KCNH8: variants seen among roughly 807,000 people sequenced by gnomAD.
KCNH8 encodes potassium voltage-gated channel subfamily H member 8, also known as voltage-gated delayed rectifier potassium channel KCNH8.
KCNH8 carries 70 observed loss-of-function variants against 103.6 expected under a neutral mutation model. The observed-to-expected ratio is 0.68, with a 90% CI of 0.56 to 0.82. The LOEUF is 0.82. KCNH8 is among the 40% of genes least tolerant of loss of function. The pLI, the probability that KCNH8 is intolerant of heterozygous loss-of-function variation, is 0.00. For missense variants in KCNH8, 1,217 were observed against 1,329.9 expected, an observed-to-expected ratio of 0.92 and a Z score of 1.32; for synonymous variants, 498 against 489.4, an observed-to-expected ratio of 1.02 and a Z score of -0.23.
chr3:19,386,041 A>G (rs2066351643), intron 5 of KCNH8, among the ~76,000 whole-genome samples: 1 of 152,132 alleles, frequency 6.6e-6, no homozygotes, highest in Non-Finnish European at 1.5e-5. Flanking sequence ...GAAATCTACT[A>G]ATTTTTGCCA....
intron 3 of KCNH8, among the ~76,000 whole-genome samples, chr3:19,299,764 G>A (rs1236934219): frequency 6.6e-6 from 1 of 151,882 alleles, no homozygotes. Context: ...AATATTGCTG[G>A]TGGTGTACCA....
At chr3:19,504,834 C>G (rs540383505) in intron 11 of KCNH8, among the ~76,000 whole-genome samples, 2 of 151,870 alleles carry the variant, frequency 1.3e-5, no homozygotes, top group African/African-American at 4.8e-5. Flanking sequence ...GGTATATACC[C>G]AAATGAATAT....
intron 3 of KCNH8, among the ~76,000 whole-genome samples, chr3:19,284,345 G>A (rs553395065): frequency 6.6e-6 from 1 of 152,084 alleles, no homozygotes; most frequent in Admixed American, 6.6e-5. Context: ...TCTATGTTTT[G>A]GGGGAGTTTA....
intron 11 of KCNH8, among the ~76,000 whole-genome samples, chr3:19,479,223 T>C (rs1444503928): frequency 6.6e-6 from 1 of 152,154 alleles, no homozygotes; most frequent in Non-Finnish European, 1.5e-5. Flanking sequence ...TCTCCGGCTC[T>C]CGTCCAGAAA....
At chr3:19,334,860 A>G (rs1478110062) in intron 3 of KCNH8, among the ~76,000 whole-genome samples, 3 of 151,980 alleles carry the variant, frequency 2.0e-5, no homozygotes, top group South Asian at 2.1e-4. Flanking sequence ...ATTATTTTTC[A>G]TATTCAAGGA....
At chr3:19,280,947 T>C (rs1295368458) in intron 2 of KCNH8, among the ~76,000 whole-genome samples, 1 of 152,068 alleles carries the variant, frequency 6.6e-6, no homozygotes, top group Non-Finnish European at 1.5e-5. Context: ...TAAGCAGAAA[T>C]GTCTCAGCAC....
At chr3:19,446,308 C>T (rs556698080) in intron 8 of KCNH8, among the ~76,000 whole-genome samples, 2 of 151,870 alleles carry the variant, frequency 1.3e-5, no homozygotes, top group Non-Finnish European at 1.5e-5. Context: ...TAGTAAAGAT[C>T]GTTCATCACT....
At chr3:19,256,715 A>C (rs986449992) in intron 2 of KCNH8, among the ~76,000 whole-genome samples, 1 of 152,066 alleles carries the variant, frequency 6.6e-6, no homozygotes, top group African/African-American at 2.4e-5. Flanking sequence ...TATGGCGTAC[A>C]GGTTGGGAGC....
At chr3:19,198,713 A>G (rs988535929) in intron 1 of KCNH8, among the ~76,000 whole-genome samples, 3 of 152,072 alleles carry the variant, frequency 2.0e-5, no homozygotes, top group Non-Finnish European at 4.4e-5. Context: ...AACCAGTGCC[A>G]ATACCCACTC....
Position 19,312,020 on chromosome 3 carries a change from ACT to A in KCNH8, c.443-30564_443-30563del, listed in dbSNP as rs111981322. On this transcript the variant is annotated intron_variant, in intron 3 of 15. Coordinates refer to ENST00000328405, the MANE Select transcript of KCNH8 (RefSeq NM_144633.3). ...TAGACATACGGATTGCCTTTCTCAAACTCTTTCTTCCGCAGTGTTTTGCACTT... is the reference window on the plus strand; with the variant it reads ...TAGACATACGGATTGCCTTTCTCAAACTTTCTTCCGCAGTGTTTTGCACTT... Among the ~76,000 whole-genome samples the A allele has an allele frequency of 3.3e-5, 5 of 151,926 alleles. 1 individual carries two copies. The highest frequency in any genetic ancestry group is 9.6e-5 in the African/African-American group (4 of 41,498).
chr3:19,522,804 C>CTGAT (rs1391893525), intron 15 of KCNH8, among the ~76,000 whole-genome samples: 2 of 151,774 alleles, frequency 1.3e-5, no homozygotes, highest in Non-Finnish European at 2.9e-5. Context: ...TTCTTAGGCT[C>CTGAT]TGATTGGATC....
intron 3 of KCNH8, among the ~76,000 whole-genome samples, chr3:19,321,709 A>G (rs1025299399): frequency 6.6e-6 from 1 of 151,988 alleles, no homozygotes; most frequent in Admixed American, 6.6e-5. Flanking sequence ...GTTCTAGAGT[A>G]TAGTTTAAGT....
intron 11 of KCNH8, among the ~76,000 whole-genome samples, chr3:19,466,649 ATTTTTTTTTTTTTTTTTTT>A (rs869048680): frequency 5.7e-4 from 29 of 50,646 alleles, no homozygotes; most frequent in Admixed American, 3.1e-3. Context: ...GTAGCAATAC[ATTTTTTTTTTTTTTTTTTT>A]TTTTTTTTTT....
intron 1 of KCNH8, among the ~76,000 whole-genome samples, chr3:19,175,632 G>A (rs2063392403): frequency 6.6e-6 from 1 of 152,100 alleles, no homozygotes; most frequent in African/African-American, 2.4e-5. Flanking sequence ...ACTGTTTTAT[G>A]ATTATTTTTC....
At chr3:19,266,221 A>G (rs1237353038) in intron 2 of KCNH8, among the ~76,000 whole-genome samples, 1 of 151,634 alleles carries the variant, frequency 6.6e-6, no homozygotes, top group Admixed American at 6.6e-5. Flanking sequence ...ATCTCTTTAA[A>G]CTCATCCTTC....
intron 5 of KCNH8, among the ~76,000 whole-genome samples, chr3:19,351,466 T>A (rs2065801137): frequency 6.6e-6 from 1 of 151,702 alleles, no homozygotes; most frequent in South Asian, 2.1e-4. Context: ...AAGGAAAAAA[T>A]GTTAAAGGCA....
At chr3:19,310,805 CTA>C (rs1325855886) in intron 3 of KCNH8, among the ~76,000 whole-genome samples, 3 of 151,674 alleles carry the variant, frequency 2.0e-5, no homozygotes, top group African/African-American at 4.8e-5. Flanking sequence ...GAGATTATAA[CTA>C]TTCATAATAA....
At chr3:19,247,214 G>C (rs1461105562) in intron 1 of KCNH8, among the ~76,000 whole-genome samples, 1 of 152,150 alleles carries the variant, frequency 6.6e-6, no homozygotes, top group Admixed American at 6.5e-5. Context: ...GGTTAGAAAA[G>C]TTACCAAATA....
chr3:19,484,476 C>T (rs1203246655), intron 11 of KCNH8, among the ~76,000 whole-genome samples: 4 of 152,274 alleles, frequency 2.6e-5, no homozygotes, highest in African/African-American at 7.2e-5. Flanking sequence ...ATGCTTCAGC[C>T]GTGCGTAGAC....
Sources: allele counts gnomAD v4.1 joint callset (sites outside exome capture counted in the v4.1 genomes callset), GRCh38; gene constraint gnomAD v4.1.1; transcripts MANE v1.5; gene names NCBI Gene and HGNC (gene_info 2026-07-23, HGNC 2026-07-21).